The following CASD1 variants were observed in gnomAD, a reference collection of about 807,000 sequenced individuals.
The protein encoded by CASD1 is N-acetylneuraminate (7)9-O-acetyltransferase.
In CASD1, 41 loss-of-function variants were observed where a neutral mutation model predicts 100.0. That is an observed-to-expected ratio of 0.41 (90% CI 0.32 to 0.53). The LOEUF is 0.53. Ranked by LOEUF, CASD1 falls within the 20% of genes least tolerant of loss-of-function variation. CASD1 has a pLI of 0.25. For missense variants in CASD1, 774 were observed against 948.7 expected (o/e 0.82, Z 2.42); for synonymous variants, 321 against 315.6 (o/e 1.02, Z -0.18).
chr7:94,613,767 A>G, the CASD1 span, among the ~76,000 whole-genome samples: 1 of 152,174 alleles, frequency 6.6e-6, no homozygotes, highest in Admixed American at 6.5e-5. Context: ...TTTTATGTAT[A>G]TAGAAGATAA....
chr7:94,578,978 CTTTT>C, the CASD1 span, among the ~76,000 whole-genome samples: 1 of 151,866 alleles, frequency 6.6e-6, no homozygotes, highest in African/African-American at 2.4e-5. Flanking sequence ...TATTACAACA[CTTTT>C]TTTTAACCTT....
At chr7:94,577,217 A>G in the CASD1 span, among the ~76,000 whole-genome samples, 1 of 151,908 alleles carries the variant, frequency 6.6e-6, no homozygotes, top group Non-Finnish European at 1.5e-5. Flanking sequence ...TTGCACCTTT[A>G]TATGTGGTTT....
the CASD1 span, among the ~76,000 whole-genome samples, chr7:94,591,726 C>T: frequency 6.6e-6 from 1 of 152,102 alleles, no homozygotes; most frequent in African/African-American, 2.4e-5. Flanking sequence ...CTTTTCTAGC[C>T]TCCGTTTTTT....
At chr7:94,536,456 T>G (rs1278128929) in intron 8 of CASD1, among the ~76,000 whole-genome samples, 1 of 152,166 alleles carries the variant, frequency 6.6e-6, no homozygotes, top group African/African-American at 2.4e-5. Flanking sequence ...TTTGTGAGAG[T>G]TGCATAAGCC....
intron 1 of CASD1, among the ~76,000 whole-genome samples, chr7:94,512,910 A>G (rs924197674): frequency 1.3e-5 from 2 of 152,210 alleles, no homozygotes; most frequent in African/African-American, 2.4e-5. Flanking sequence ...CTGAGCTAGG[A>G]TTTAGATCCC....
the CASD1 span, among the ~76,000 whole-genome samples, chr7:94,581,443 A>G: frequency 6.6e-6 from 1 of 152,064 alleles, no homozygotes; most frequent in Non-Finnish European, 1.5e-5. Flanking sequence ...AACGTGTGCC[A>G]TATGGTTTGC....
chr7:94,602,121 C>T, the CASD1 span, among the ~76,000 whole-genome samples: 3 of 152,004 alleles, frequency 2.0e-5, no homozygotes, highest in African/African-American at 7.2e-5. Flanking sequence ...AGTAAAATGG[C>T]ATTGTTAGGG....
the CASD1 span, chr7:94,587,930 C>A: frequency 2.8e-6 from 4 of 1,430,836 alleles, no homozygotes; most frequent in Admixed American, 3.4e-5. Context: ...TACCACAATG[C>A]CGCTATTCAT....
At chr7:94,568,900 C>T in the CASD1 span, among the ~76,000 whole-genome samples, 1 of 152,132 alleles carries the variant, frequency 6.6e-6, no homozygotes, top group Non-Finnish European at 1.5e-5. Flanking sequence ...CTTGTACTTC[C>T]TAGCCTTCCA....
intron 14 of CASD1, among the ~76,000 whole-genome samples, chr7:94,550,253 C>A (rs1454214436): frequency 6.6e-6 from 1 of 152,088 alleles, no homozygotes; most frequent in African/African-American, 2.4e-5. Context: ...TTCATTCTTT[C>A]CTTTTTTCCT....
chr7:94,564,366 C>A, the CASD1 span, among the ~76,000 whole-genome samples: 1 of 152,126 alleles, frequency 6.6e-6, no homozygotes, highest in African/African-American at 2.4e-5. Context: ...GACCACTATC[C>A]CTGCATTCTT....
At chr7:94,547,537 A>G (rs1412482704) in intron 13 of CASD1, among the ~76,000 whole-genome samples, 1 of 151,930 alleles carries the variant, frequency 6.6e-6, no homozygotes, top group Non-Finnish European at 1.5e-5. Context: ...CATTGCATCA[A>G]AGTATTGATT....
chr7:94,609,694 A>G, the CASD1 span, among the ~76,000 whole-genome samples: 35 of 152,374 alleles, frequency 2.3e-4, no homozygotes, highest in Non-Finnish European at 4.1e-4. Flanking sequence ...GCCAAAATCC[A>G]GAACAGTGGC....
chr7:94,549,558 T>C lies in CASD1; in HGVS notation c.1739T>C (p.Leu580Pro), dbSNP rs1365380798. 7 of 1,611,028 alleles carry C rather than the reference T, an allele frequency of 4.3e-6. No individual in the cohort carries two copies. In the Middle Eastern group the frequency reaches 5.0e-4, roughly 114 times the overall value. ...SQGAFEKIFSLWPLSKCFELK... is the reference protein window; with the variant it reads ...SQGAFEKIFSPWPLSKCFELK... Reference sequence around the variant, plus strand: ...GGTGCATTTGAGAAGATCTTTTCTCTTTGGCCATTGTCCAAGTGTTTTGAA... The same window carrying C: ...GGTGCATTTGAGAAGATCTTTTCTCCTTGGCCATTGTCCAAGTGTTTTGAA... Residue 580 changes from leucine (L) to proline (P), a missense_variant, in exon 14 of 18, where the codon CTT becomes CCT. Leu to Pro is a moderately conservative substitution (Grantham distance 98). Transcript: ENST00000297273.
the CASD1 span, among the ~76,000 whole-genome samples, chr7:94,564,790 C>A: frequency 6.6e-6 from 1 of 152,274 alleles, no homozygotes; most frequent in East Asian, 1.9e-4. Flanking sequence ...CTCCTTTTAA[C>A]AGCAACAATC....
the CASD1 span, chr7:94,585,267 T>G: frequency 2.2e-6 from 1 of 460,868 alleles, no homozygotes; most frequent in Non-Finnish European, 3.9e-6. Context: ...CAACTTTTAT[T>G]GTAACAAATA....
At chr7:94,555,062 T>A (rs1188837807) in intron 17 of CASD1, among the ~76,000 whole-genome samples, 1 of 152,122 alleles carries the variant, frequency 6.6e-6, no homozygotes, top group Non-Finnish European at 1.5e-5. Context: ...ATACATAATA[T>A]GAAATTATCT....
chr7:94,557,342 G>A (rs971070776), downstream of CASD1, among the ~76,000 whole-genome samples: 3 of 151,876 alleles, frequency 2.0e-5, no homozygotes, highest in African/African-American at 7.3e-5. Context: ...CTCTTCTTTT[G>A]CCCTTACTTA....
the CASD1 span, among the ~76,000 whole-genome samples, chr7:94,632,802 AAAC>A: frequency 1.1e-3 from 162 of 152,152 alleles, no homozygotes; most frequent in African/African-American, 3.7e-3. Context: ...TTCCTTTCAA[AAAC>A]AACAAATGAC....
Sources: gnomAD v4.1 joint callset for allele counts (sites outside exome capture counted in the v4.1 genomes callset) on GRCh38, gnomAD v4.1.1 for gene constraint, MANE v1.5 for transcripts, NCBI Gene and HGNC (gene_info 2026-07-23, HGNC 2026-07-21) for gene names.